The following MAX variants were observed in gnomAD, a reference collection of about 807,000 sequenced individuals.
MAX encodes the protein protein max.
MAX carries 3 observed loss-of-function variants against 22.3 expected under a neutral mutation model. The ratio of observed to expected loss-of-function variants is 0.13; its 90% CI spans 0.06 to 0.35. The LOEUF is 0.35. MAX is among the 10% of genes least tolerant of loss of function. The pLI is 1.00. For synonymous variants in MAX, 72 were observed against 77.7 expected (o/e 0.93, Z 0.39); for missense variants, 119 against 209.4 (o/e 0.57, Z 2.66).
chr14:65,077,815 T>C lies in MAX; in HGVS notation c.295+98A>G, dbSNP rs2063099910. The C allele has an allele frequency of 6.2e-7, 1 of 1,614,148 alleles. No individual in the cohort carries two copies. The highest frequency in any genetic ancestry group is 8.5e-7 in the Non-Finnish European group (1 of 1,180,028). On this transcript the variant is annotated intron_variant, in intron 4 of 4. Coordinates refer to ENST00000358664, the MANE Select transcript of MAX (RefSeq NM_002382.5). The surrounding 1 kb of genome is among the most constrained non-coding windows in gnomAD (Gnocchi z 6.3). ...AGGACCAAGCCTGCTACTGAGCACA[T>C]ACTCCATGACTGGCTCTGACTCTGC...
chr14:65,061,669 C>T (rs1053921104), intron 3 of MAX: 2 of 204,226 alleles, frequency 9.8e-6, no homozygotes, highest in Admixed American at 1.0e-4. Context: ...ACTGCTGACT[C>T]CCACTTGCAC....
chr14:65,098,460 T>G (rs2063730668), intron 2 of MAX, among the ~76,000 whole-genome samples: 1 of 152,298 alleles, frequency 6.6e-6, no homozygotes, highest in Non-Finnish European at 1.5e-5. Flanking sequence ...ATACTGCAAC[T>G]GCAACTCAGT....
intron 3 of MAX, chr14:65,061,291 G>T: frequency 6.2e-7 from 1 of 1,613,930 alleles, no homozygotes; most frequent in Non-Finnish European, 8.5e-7. Flanking sequence ...ATGAGACATC[G>T]GCAGAGCCTG....
At chr14:65,015,801 T>C in intron 3 of MAX, 1 of 1,503,700 alleles carries the variant, frequency 6.7e-7, no homozygotes, top group Admixed American at 1.8e-5. Context: ...TTTTGTTTGT[T>C]TGGAATGGAA....
rs2063829320 is a variant in MAX, at chr14:65,101,447, C to T, written c.63+99G>A. On this transcript the variant is annotated intron_variant, in intron 2 of 4. Transcript: ENST00000358664. ...TAGTGGTTAACATTAGAGTTTACTA[C>T]AATATTAAAAGTAATAGTACGATCT... 3 of 1,110,656 alleles carry T rather than the reference C, an allele frequency of 2.7e-6. No individual in the cohort carries two copies. The Admixed American group carries it at 6.3e-5, about 23-fold the overall frequency. The allele number at this position is 1,110,656 out of a possible 1,614,324, so 68.8% of individuals were successfully genotyped here.
intron 3 of MAX, among the ~76,000 whole-genome samples, chr14:65,046,978 ATATT>A (rs1296964352): frequency 6.6e-6 from 1 of 152,238 alleles, no homozygotes; most frequent in Non-Finnish European, 1.5e-5. Flanking sequence ...GGTGCGAAAA[ATATT>A]TATAACAAGT....
At chr14:65,075,100 C>G, downstream of MAX, 1 of 1,013,466 alleles carries the variant, frequency 9.9e-7, no homozygotes. The surrounding 1 kb of genome is among the most constrained non-coding windows in gnomAD (Gnocchi z 4.1). Context: ...TTGGCCTTAA[C>G]AAGGGTAAGA....
intron 3 of MAX, among the ~76,000 whole-genome samples, chr14:65,085,777 G>A (rs542040626): frequency 5.9e-5 from 9 of 152,266 alleles, no homozygotes; most frequent in African/African-American, 1.9e-4. Flanking sequence ...TGTGAGCAGG[G>A]CTCATCAATA....
chr14:65,015,743 G>C, intron 3 of MAX: 1 of 1,606,990 alleles, frequency 6.2e-7, no homozygotes, highest in Non-Finnish European at 8.5e-7. Context: ...GAAATCTGGG[G>C]TGTTCTCTGA....
rs530855700 is a variant in MAX at position 65,026,778 on chromosome 14, C to T, written c.172-20494G>A. Among the ~76,000 whole-genome samples, 255 of 152,056 alleles carry T rather than the reference C, an allele frequency of 1.7e-3. 1 individual carries two copies. Among genetic ancestry groups the T allele is most frequent in the African/African-American group, 5.9e-3 (245 of 41,496 alleles). On this transcript the variant is annotated intron_variant, in intron 3 of 3. Transcript: ENST00000341653. ...TTGGAAGGGTGAGGCAAAAGAATCT[C>T]TTGAACCTGGGAGACGGATGCTGCA...
chr14:65,089,973 C>T (rs2063455462), intron 3 of MAX: 1 of 152,134 alleles, frequency 6.6e-6, no homozygotes, highest in African/African-American at 2.4e-5. Flanking sequence ...CGAGGGTCTA[C>T]TTGCTAACTC....
chr14:65,064,980 T>G (rs1298459005), intron 3 of MAX, among the ~76,000 whole-genome samples: 1 of 152,262 alleles, frequency 6.6e-6, no homozygotes, highest in Non-Finnish European at 1.5e-5. Flanking sequence ...CCAATAATTT[T>G]CATTTATCTC....
chr14:65,056,423 G>A (rs1056435046), intron 3 of MAX, among the ~76,000 whole-genome samples: 2 of 152,140 alleles, frequency 1.3e-5, no homozygotes, highest in Non-Finnish European at 2.9e-5. Flanking sequence ...GGGTTGAAGG[G>A]GACACATATT....
chr14:65,031,581 G>C lies in MAX; in HGVS notation c.172-25297C>G, dbSNP rs540773381. ...TCCACCTGCCTCAGCCTCCCAAAGT[G>C]CTGGGATTACAGGCATGAGCAACTG... On this transcript the variant is annotated intron_variant, in intron 3 of 3. Transcript: ENST00000341653. This position sits in a 1 kb window ranked among gnomAD's most constrained non-coding sequence, Gnocchi z 4.6. 5.1e-4 allele frequency among the ~76,000 whole-genome samples: 77 copies of C among 152,210 alleles called. No individual in the cohort carries two copies. Among genetic ancestry groups the C allele is most frequent in the African/African-American group, 1.8e-3 (73 of 41,564 alleles).
rs1029094500 is a variant in MAX at position 65,023,527 on chromosome 14, T to A, written c.172-17243A>T. 2.6e-5 allele frequency among the ~76,000 whole-genome samples: 4 copies of A among 152,240 alleles called. No homozygotes were observed. The highest frequency in any genetic ancestry group is 1.3e-4 in the Admixed American group (2 of 15,278). Reference sequence around the variant, plus strand: ...AAAGTGGTGGTGTCCAGCAGAACTTTCTGTGATAATGAAAATGTTCTATAT... The same window carrying A: ...AAAGTGGTGGTGTCCAGCAGAACTTACTGTGATAATGAAAATGTTCTATAT... On this transcript the variant is annotated intron_variant, in intron 3 of 3. Coordinates refer to the MAX transcript ENST00000341653. The surrounding 1 kb of genome is among the most constrained non-coding windows in gnomAD (Gnocchi z 4.1).
At chr14:65,059,325 A>C (rs977936724) in intron 3 of MAX, among the ~76,000 whole-genome samples, 21 of 149,236 alleles carry the variant, frequency 1.4e-4, no homozygotes, top group Non-Finnish European at 3.1e-4. Context: ...TGGCCCCCGC[A>C]CTAGCCCCTT....
chr14:65,052,139 T>G (rs557901114), intron 3 of MAX, among the ~76,000 whole-genome samples: 6 of 152,300 alleles, frequency 3.9e-5, no homozygotes, highest in African/African-American at 1.4e-4. Context: ...GATTTTTAGC[T>G]CAGTTCTTTT....
intron 3 of MAX, chr14:65,090,072 T>C (rs1325882685): frequency 2.0e-5 from 3 of 152,100 alleles, no homozygotes; most frequent in Admixed American, 1.3e-4. Flanking sequence ...CAGAAAGAAA[T>C]TATAGGCTTT....
chr14:65,080,132 TAC>T (rs2063166061), intron 3 of MAX, among the ~76,000 whole-genome samples: 1 of 152,204 alleles, frequency 6.6e-6, no homozygotes, highest in Non-Finnish European at 1.5e-5. Flanking sequence ...GGTGATTACC[TAC>T]TGTGTGCTAC....
Sources: gnomAD v4.1 joint callset for allele counts (sites outside exome capture counted in the v4.1 genomes callset) on GRCh38, gnomAD v4.1.1 for gene constraint, Gnocchi (gnomAD v3.1) non-coding constraint, MANE v1.5 for transcripts, NCBI Gene and HGNC (gene_info 2026-07-23, HGNC 2026-07-21) for gene names.